GFPT1: variants seen among roughly 807,000 people sequenced by gnomAD.
GFPT1 encodes glutamine--fructose-6-phosphate transaminase 1.
Under a neutral mutation model 92.0 loss-of-function variants are expected in GFPT1, and 40 were observed. That is an observed-to-expected ratio of 0.43 (90% CI 0.34 to 0.57). The LOEUF (loss-of-function observed/expected upper bound fraction) is 0.57, where lower values mean the gene tolerates loss of function less well. Ranked by LOEUF, GFPT1 falls within the 20% of genes least tolerant of loss-of-function variation. The pLI is 0.02. For synonymous variants in GFPT1, 269 were observed against 280.6 expected (o/e 0.96, Z 0.41); for missense variants, 448 against 869.1 (o/e 0.52, Z 6.09).
In GFPT1 at chr2:69,335,717, C is replaced by T. The variant is rs184505005; in HGVS notation, c.1482+2181G>A. Among the ~76,000 whole-genome samples, 49 of 152,212 alleles carry T rather than the reference C, an allele frequency of 3.2e-4. 1 individual carries two copies. The South Asian group carries it at 4.1e-3, about 13-fold the overall frequency. ...CTGTAAATTATAGTGTTAGCAATAT[C>T]GAAATACCCAAGAAATAAAAATCTC... On this transcript the variant is annotated intron_variant, in intron 15 of 19. Transcript: ENST00000357308.
chr2:69,334,687 C>T (rs1670750189), intron 15 of GFPT1: 1 of 152,122 alleles, frequency 6.6e-6, no homozygotes, highest in African/African-American at 2.4e-5. Context: ...ATTTAACTGG[C>T]TTTATTTAAA....
Position 69,350,004 on chromosome 2 carries a change from C to G in GFPT1, c.845+74G>C, listed in dbSNP as rs935599552. On this transcript the variant is annotated intron_variant, in intron 10 of 19. Coordinates refer to ENST00000357308, the MANE Select transcript of GFPT1 (RefSeq NM_001244710.2). ...CACAGAGCACAACTAGACTGATACACAATGACTTCTTGGGTTTCCTGCAGA... is the reference window on the plus strand; with the variant it reads ...CACAGAGCACAACTAGACTGATACAGAATGACTTCTTGGGTTTCCTGCAGA... The G allele has an allele frequency of 1.2e-5, 12 of 986,906 alleles. No individual in the cohort carries two copies. The African/African-American group carries it at 1.6e-4, about 13-fold the overall frequency. The allele number at this position is 986,906 out of a possible 1,614,324, so 61.1% of individuals were successfully genotyped here.
At chr2:69,363,447 T>C (rs1671523792) in intron 4 of GFPT1, 98 bp downstream of exon 4, 1 of 1,288,942 alleles carries the variant, frequency 7.8e-7, no homozygotes, top group East Asian at 2.4e-5. Context: ...ATTTTCCAGA[T>C]GAAAAATTAT....
intron 2 of GFPT1, among the ~76,000 whole-genome samples, chr2:69,370,483 T>G (rs1463499310): frequency 2.0e-5 from 3 of 152,178 alleles, no homozygotes; most frequent in Admixed American, 2.0e-4. Context: ...AGAATACATC[T>G]CTTAAGAGTC....
At chr2:69,330,317 A>C (rs750197473) in intron 15 of GFPT1, among the ~76,000 whole-genome samples, 10 of 152,234 alleles carry the variant, frequency 6.6e-5, no homozygotes, top group Non-Finnish European at 1.5e-4. Flanking sequence ...TATTTCTTAG[A>C]TACAAAAGCC....
At chr2:69,341,120 C>A (rs955056870) in intron 13 of GFPT1, among the ~76,000 whole-genome samples, 3 of 151,458 alleles carry the variant, frequency 2.0e-5, no homozygotes. Context: ...CACCACACCC[C>A]GATAATTTTT....
chr2:69,336,635 T>TA (rs60462236), intron 15 of GFPT1, among the ~76,000 whole-genome samples: 2,815 of 140,238 alleles, frequency 0.02, 77 homozygotes, highest in African/African-American at 0.065. Flanking sequence ...GACCCCATCT[T>TA]AAAAAAAAAA....
chr2:69,363,085 A>C (rs1671515924), intron 4 of GFPT1, among the ~76,000 whole-genome samples: 1 of 152,008 alleles, frequency 6.6e-6, no homozygotes, highest in African/African-American at 2.4e-5. Context: ...GTCTCTACTA[A>C]AAATACAAAA....
chr2:69,350,004 C>A (rs935599552), intron 10 of GFPT1, 74 bp downstream of exon 10: 1 of 987,024 alleles, frequency 1.0e-6, no homozygotes, highest in Admixed American at 1.9e-5. Flanking sequence ...GACTGATACA[C>A]AATGACTTCT....
Position 69,326,042 on chromosome 2 carries a change from T to C in GFPT1, c.*147A>G, listed in dbSNP as rs1574038081. 6.6e-6 allele frequency: 4 copies of C among 606,586 alleles called. No individual in the cohort carries two copies. The highest frequency in any genetic ancestry group is 1.2e-5 in the Non-Finnish European group (4 of 342,708). The allele number at this position is 606,586 out of a possible 1,614,324, so 37.6% of individuals were successfully genotyped here. A position where few individuals can be genotyped will look rare whatever the true frequency, so the allele number is the denominator to read the frequency against. Reference sequence around the variant, plus strand: ...GAGGTAACTTCACAAAAATCACATATTGAGTGGAATAATTATAACTGATAT... The same window carrying C: ...GAGGTAACTTCACAAAAATCACATACTGAGTGGAATAATTATAACTGATAT... On this transcript the variant is annotated 3_prime_UTR_variant, in exon 20 of 20. Coordinates refer to ENST00000357308, the MANE Select transcript of GFPT1 (RefSeq NM_001244710.2).
intron 3 of GFPT1, among the ~76,000 whole-genome samples, chr2:69,364,331 A>G (rs1441173911): frequency 2.0e-5 from 3 of 152,244 alleles, no homozygotes; most frequent in African/African-American, 7.2e-5. Flanking sequence ...CAAAATTTTA[A>G]TAACAGATAA....
intron 3 of GFPT1, among the ~76,000 whole-genome samples, chr2:69,364,887 C>T (rs543670558): frequency 9.7e-4 from 139 of 142,942 alleles, no homozygotes; most frequent in Non-Finnish European, 1.6e-3. Context: ...CCCAGCTACT[C>T]GGGAGGTTGA....
chr2:69,338,940 T>C (rs1414728186), intron 13 of GFPT1, among the ~76,000 whole-genome samples: 2 of 151,940 alleles, frequency 1.3e-5, no homozygotes, highest in Admixed American at 6.6e-5. Context: ...GCTGGGACTA[T>C]AGGCGTGCGC....
In GFPT1 at chr2:69,326,911, T is replaced by C. The variant is rs937857366; in HGVS notation, c.2055+3A>G. On this transcript the variant is annotated splice_donor_region_variant and intron_variant, in intron 19 of 19. Coordinates refer to ENST00000357308, the MANE Select transcript of GFPT1 (RefSeq NM_001244710.2). ...AAGATTTCTGCAGTGGTAGATGACT[T>C]ACATCATAGCCTCTCAGCACAGCAA... 8 of 1,613,974 alleles carry C rather than the reference T, an allele frequency of 5.0e-6. No homozygotes were observed. The African/African-American group carries it at 5.3e-5, about 11-fold the overall frequency.
At chr2:69,340,140 CT>C (rs139786418) in intron 13 of GFPT1, among the ~76,000 whole-genome samples, 41 of 99,092 alleles carry the variant, frequency 4.1e-4, no homozygotes, top group South Asian at 1.7e-3. Context: ...GTTGGGGCAA[CT>C]TTTTTTTTTT....
rs1478390752 is a variant in GFPT1 at position 69,365,773 on chromosome 2, C to T, written c.224-2103G>A. Among the ~76,000 whole-genome samples the T allele has an allele frequency of 6.6e-5, 10 of 152,234 alleles. No homozygotes were observed. In the East Asian group the frequency reaches 1.9e-3, roughly 29 times the overall value. Reference sequence around the variant, plus strand: ...AAAAATACCATTTACCATTATTCAACAGGCCAATGCAAGAAATGAAAACAT... The same window carrying T: ...AAAAATACCATTTACCATTATTCAATAGGCCAATGCAAGAAATGAAAACAT... On this transcript the variant is annotated intron_variant, in intron 3 of 19. Coordinates refer to ENST00000357308, the MANE Select transcript of GFPT1 (RefSeq NM_001244710.2).
intron 12 of GFPT1, among the ~76,000 whole-genome samples, chr2:69,345,148 T>G (rs1179620124): frequency 6.6e-6 from 1 of 151,894 alleles, no homozygotes; most frequent in Non-Finnish European, 1.5e-5. Flanking sequence ...CCCAGCTACT[T>G]GGGAGGCTGA....
chr2:69,383,238 T>C (rs1672051166), intron 1 of GFPT1, among the ~76,000 whole-genome samples: 1 of 152,336 alleles, frequency 6.6e-6, no homozygotes, highest in South Asian at 2.1e-4. Context: ...TCTGGAACCT[T>C]TAATCTTGCT....
At chr2:69,335,502 T>A (rs185129800) in intron 15 of GFPT1, among the ~76,000 whole-genome samples, 1 of 152,302 alleles carries the variant, frequency 6.6e-6, no homozygotes, top group East Asian at 1.9e-4. Context: ...ATATCCCACA[T>A]ACACCACGTT....
Sources: gnomAD v4.1 joint callset for allele counts (sites outside exome capture counted in the v4.1 genomes callset) on GRCh38, gnomAD v4.1.1 for gene constraint, MANE v1.5 for transcripts, NCBI Gene and HGNC (gene_info 2026-07-23, HGNC 2026-07-21) for gene names.